The following PROC variants were observed in gnomAD, a reference collection of about 807,000 sequenced individuals.
PROC encodes protein C, inactivator of coagulation factors Va and VIIIa.
Under a neutral mutation model 36.3 loss-of-function variants are expected in PROC, and 22 were observed. That is an observed-to-expected ratio of 0.61 (90% CI 0.43 to 0.86). The LOEUF (loss-of-function observed/expected upper bound fraction) is 0.86, where lower values mean the gene tolerates loss of function less well. Ranked by LOEUF, PROC falls within the 40% of genes least tolerant of loss-of-function variation. PROC has a pLI of 0.00. For missense variants in PROC, 526 were observed against 629.7 expected, an observed-to-expected ratio of 0.84 and a Z score of 1.76; for synonymous variants, 218 against 244.5, an observed-to-expected ratio of 0.89 and a Z score of 1.01.
chr2:127,419,074 C>T (rs990556503), intron 1 of PROC, among the ~76,000 whole-genome samples: 85 of 152,292 alleles, frequency 5.6e-4, no homozygotes, highest in Non-Finnish European at 2.2e-4. Flanking sequence ...CTCAGTCTTC[C>T]GAGTCTGGTG....
rs146793243 is a variant in PROC, at chr2:127,419,994, G to T, written c.52G>T (p.Gly18Cys). ...GTTCGTGGCCACCTGGGGAATTTCCGGCACACCAGCTCCTCTTGGTAAGGC... is the reference window on the plus strand; with the variant it reads ...GTTCGTGGCCACCTGGGGAATTTCCTGCACACCAGCTCCTCTTGGTAAGGC... The part of the protein sequence containing the change: ...LLFVATWGIS[G>C]TPAPLDSVFS... The change falls in exon 2 of 9, where the codon GGC (glycine) becomes TGC (cysteine). Residue 18 changes from glycine to cysteine, a missense_variant. Coordinates refer to ENST00000234071, the MANE Select transcript of PROC (RefSeq NM_000312.4). The T allele has an allele frequency of 6.2e-7, 1 of 1,613,608 alleles. No homozygotes were observed. Among genetic ancestry groups the T allele is most frequent in the Non-Finnish European group, 8.5e-7 (1 of 1,179,994 alleles).
At position 127,429,154 on chromosome 2, in the gene PROC, G is replaced by A. The variant is rs547719046; in HGVS notation, c.*208G>A. The A allele has an allele frequency of 4.5e-5, 28 of 625,168 alleles. No homozygotes were observed. In the Admixed American group the frequency reaches 7.8e-4, roughly 17 times the overall value. 38.7% of individuals were successfully genotyped at this position (625,168 alleles called of 1,614,324 possible). A position where few individuals can be genotyped will look rare whatever the true frequency, so the allele number is the denominator to read the frequency against. ...TAGAGCAACTCTGTGGGGTGGGGAG[G>A]AGCAGATCCAAGTTTTGCGGGGTCT... On this transcript the variant is annotated 3_prime_UTR_variant, in exon 9 of 9. Coordinates refer to ENST00000234071, the MANE Select transcript of PROC (RefSeq NM_000312.4).
chr2:127,422,821 C>T, intron 3 of PROC, 96 bp from the exon 4 acceptor site: 1 of 1,496,050 alleles, frequency 6.7e-7, no homozygotes, highest in South Asian at 1.2e-5. Flanking sequence ...GAAGCCCTCC[C>T]CTCCCCTGCC....
rs1184387293 is a variant in PROC, at chr2:127,427,037, C to G, written c.679-68C>G. On this transcript the variant is annotated intron_variant, in intron 7 of 8. Coordinates refer to ENST00000234071, the MANE Select transcript of PROC (RefSeq NM_000312.4). ...GGAACCCAGGAAAGTGCATATGAAA[C>G]CCAGGTGCCCTGGACTGGAGGCTGT... 3.7e-6 allele frequency: 5 copies of G among 1,368,838 alleles called. No homozygotes were observed. In the East Asian group the frequency reaches 9.2e-5, roughly 25 times the overall value. 84.8% of individuals were successfully genotyped at this position (1,368,838 alleles called of 1,614,324 possible). A position where few individuals can be genotyped will look rare whatever the true frequency, so the allele number is the denominator to read the frequency against.
intron 2 of PROC, among the ~76,000 whole-genome samples, chr2:127,420,283 C>T (rs1342787515): frequency 6.6e-6 from 1 of 152,186 alleles, no homozygotes; most frequent in Non-Finnish European, 1.5e-5. Flanking sequence ...GTCACAGAGT[C>T]CCCTGGGCCT....
chr2:127,423,630 T>G, intron 6 of PROC: 8 of 622,608 alleles, frequency 1.3e-5, no homozygotes, highest in Admixed American at 3.9e-5. Context: ...GCTTCCTTTC[T>G]TCCTGGCGTC....
Position 127,422,645 on chromosome 2 carries a change from A to G in PROC, c.238-272A>G, listed in dbSNP as rs973760. 0.73 allele frequency among the ~76,000 whole-genome samples: 110,873 copies of G among 152,096 alleles called. 40,583 individuals carry two copies. Among genetic ancestry groups the G allele is most frequent in the Admixed American group, 0.79 (12,114 of 15,290 alleles). ...GCATGCCAGAGGCTGCTGTGGGAGC[A>G]GACAGTCGCGAGAGCAGCACTGCAG... On this transcript the variant is annotated intron_variant, in intron 3 of 8. Coordinates refer to ENST00000234071, the MANE Select transcript of PROC (RefSeq NM_000312.4).
In PROC at chr2:127,429,059, TC is replaced by T; in HGVS notation, c.*114del. On this transcript the variant is annotated 3_prime_UTR_variant, in exon 9 of 9. Coordinates refer to ENST00000234071, the MANE Select transcript of PROC (RefSeq NM_000312.4). Reference sequence around the variant, plus strand: ...TCCTTCCATCCCTCTTTTGGGCTCTTCTGGAGGGAAGTAACATTTACTGAGC... The same window carrying T: ...TCCTTCCATCCCTCTTTTGGGCTCTTTGGAGGGAAGTAACATTTACTGAGC... The T allele has an allele frequency of 8.2e-7, 1 of 1,225,316 alleles. No homozygotes were observed. Among genetic ancestry groups the T allele is most frequent in the Non-Finnish European group, 1.2e-6 (1 of 847,532 alleles). The allele number at this position is 1,225,316 out of a possible 1,614,324, so 75.9% of individuals were successfully genotyped here.
intron 6 of PROC, among the ~76,000 whole-genome samples, chr2:127,425,328 T>C (rs1409821153): frequency 6.6e-6 from 1 of 152,230 alleles, no homozygotes; most frequent in Non-Finnish European, 1.5e-5. Flanking sequence ...TTTGTTATGA[T>C]GCAGCTCCCC....
At chr2:127,421,484 G>C in intron 3 of PROC, 35 bp downstream of exon 3, 1 of 1,612,148 alleles carries the variant, frequency 6.2e-7, no homozygotes, top group Non-Finnish European at 8.5e-7. Context: ...ATGAGGCTCA[G>C]GGGCGAGCTG....
chr2:127,428,367 C>A lies in PROC; in HGVS notation c.807C>A (p.Asp269Glu). 1 of 1,613,972 alleles carries A rather than the reference C, an allele frequency of 6.2e-7. No individual in the cohort carries two copies. The highest frequency in any genetic ancestry group is 8.5e-7 in the Non-Finnish European group (1 of 1,180,018). ...KKLLVRLGEY[D>E]LRRWEKWELD... is the part of the protein sequence containing the mutation. ...CCCTCTGCCCTGCAGGAGAGTATGA[C>A]CTGCGGCGCTGGGAGAAGTGGGAGC... Residue 269 changes from aspartate to glutamate, a missense_variant, in exon 9 of 9, where the codon GAC becomes GAA. By Grantham distance (45) the Asp-to-Glu change is conservative. Coordinates refer to ENST00000234071, the MANE Select transcript of PROC (RefSeq NM_000312.4).
rs1688714111 is a variant in PROC at position 127,428,924 on chromosome 2, C to T, written c.1364C>T (p.Pro455Leu). Residue 455 changes from proline (P) to leucine (L), a missense_variant, in exon 9 of 9, where the codon CCC becomes CTC. Physicochemically the swap from Pro to Leu is moderately conservative, Grantham distance 98 (BLOSUM62 -3). Transcript: ENST00000234071. ...GGGCACATCAGAGACAAGGAAGCCC[C>T]CCAGAAGAGCTGGGCACCTTAGCGA... ...IHGHIRDKEA[P>L]QKSWAP 3.1e-6 allele frequency: 5 copies of T among 1,613,826 alleles called. No homozygotes were observed. The Admixed American group carries it at 8.3e-5, about 27-fold the overall frequency.
chr2:127,426,081 T>C lies in PROC; in HGVS notation c.536-4T>C, dbSNP rs755268581. 1.2e-6 allele frequency: 2 copies of C among 1,613,982 alleles called. No individual in the cohort carries two copies. Among genetic ancestry groups the C allele is most frequent in the South Asian group, 2.2e-5 (2 of 91,082 alleles). On this transcript the variant is annotated splice_polypyrimidine_tract_variant and splice_region_variant and intron_variant, in intron 6 of 8. Coordinates refer to ENST00000234071, the MANE Select transcript of PROC (RefSeq NM_000312.4). This position sits in a 1 kb window ranked among gnomAD's most constrained non-coding sequence, Gnocchi z 7.0. ...AGGCCCCTCACCACCTCTGCCTACC[T>C]CAGTGAAGTTCCCTTGTGGGAGGCC...
In PROC at chr2:127,421,372, A is replaced by T. The variant is rs376049280; in HGVS notation, c.160A>T (p.Ser54Cys). The T allele has an allele frequency of 1.3e-4, 202 of 1,613,828 alleles. No individual in the cohort carries two copies. Among genetic ancestry groups the T allele is most frequent in the Non-Finnish European group, 1.7e-4 (197 of 1,179,948 alleles). Residue 54 changes from serine to cysteine, a missense_variant, in exon 3 of 9, where the codon AGC becomes TGC. Physicochemically the swap from Ser to Cys is moderately radical, Grantham distance 112. Transcript: ENST00000234071. ...NSFLEELRHS[S>C]LERECIEEIC... ...CTTCCTGGAGGAGCTCCGTCACAGCAGCCTGGAGCGGGAGTGCATAGAGGA... is the reference window on the plus strand; with the variant it reads ...CTTCCTGGAGGAGCTCCGTCACAGCTGCCTGGAGCGGGAGTGCATAGAGGA...
intron 3 of PROC, among the ~76,000 whole-genome samples, chr2:127,422,652 C>A (rs1688169560): frequency 6.6e-6 from 1 of 151,970 alleles, no homozygotes; most frequent in Non-Finnish European, 1.5e-5. Context: ...AGCAGACAGT[C>A]GCGAGAGCAG....
chr2:127,422,794 C>T (rs1688185810), intron 3 of PROC, 123 bp from the exon 4 acceptor site: 5 of 1,357,734 alleles, frequency 3.7e-6, no homozygotes, highest in East Asian at 2.5e-5. Context: ...CATCGGGCGT[C>T]GATCCCTGTT....
At position 127,429,173 on chromosome 2, in the gene PROC, G is replaced by A. The variant is rs542260333; in HGVS notation, c.*227G>A. The A allele has an allele frequency of 2.4e-4, 141 of 590,218 alleles. 1 individual carries two copies. The highest frequency in any genetic ancestry group is 1.3e-3 in the African/African-American group (69 of 53,784). 36.6% of individuals were successfully genotyped at this position (590,218 alleles called of 1,614,324 possible). A position where few individuals can be genotyped will look rare whatever the true frequency, so the allele number is the denominator to read the frequency against. On this transcript the variant is annotated 3_prime_UTR_variant, in exon 9 of 9. Transcript: ENST00000234071. ...GGGGAGGAGCAGATCCAAGTTTTGC[G>A]GGGTCTAAAGCTGTGTGTGTTGAGG...
Position 127,428,651 on chromosome 2 carries a change from A to G in PROC, c.1091A>G (p.Lys364Arg). ...RNRTFVLNFI[K>R]IPVVPHNECS... ...CGCACCTTCGTCCTCAACTTCATCA[A>G]GATTCCCGTGGTCCCGCACAATGAG... Residue 364 changes from lysine to arginine, a missense_variant, in exon 9 of 9, where the codon AAG becomes AGG. Lys to Arg is a conservative substitution (Grantham distance 26). Coordinates refer to ENST00000234071, the MANE Select transcript of PROC (RefSeq NM_000312.4). 1 of 1,614,058 alleles carries G rather than the reference A, an allele frequency of 6.2e-7. No homozygotes were observed. The highest frequency in any genetic ancestry group is 8.5e-7 in the Non-Finnish European group (1 of 1,180,048).
intron 8 of PROC, 115 bp downstream of exon 8, chr2:127,427,337 G>T (rs1255535487): frequency 1.1e-6 from 1 of 885,468 alleles, no homozygotes; most frequent in African/African-American, 1.6e-5. Flanking sequence ...GAGGCTTCTT[G>T]AGCTCCACAG....
Sources: gnomAD v4.1 joint callset for allele counts (sites outside exome capture counted in the v4.1 genomes callset) on GRCh38, gnomAD v4.1.1 for gene constraint, Gnocchi (gnomAD v3.1) non-coding constraint, MANE v1.5 for transcripts, NCBI Gene and HGNC (gene_info 2026-07-23, HGNC 2026-07-21) for gene names.